Variants in RGS22 observed in about 807,000 individuals in gnomAD.
The protein encoded by RGS22 is regulator of G protein signaling 22.
A neutral mutation model predicts 172.9 loss-of-function variants in RGS22; 148 were observed. The ratio of observed to expected loss-of-function variants is 0.86; its 90% CI spans 0.75 to 0.98. RGS22 has a LOEUF of 0.98. Among genes scored for constraint, RGS22 ranks in the 50% least tolerant of loss-of-function variants. The pLI, the probability that RGS22 is intolerant of heterozygous loss-of-function variation, is 0.00. For synonymous variants in RGS22, 458 were observed against 480.2 expected (o/e 0.95, Z 0.60); for missense variants, 1,347 against 1,440.8 (o/e 0.93, Z 1.05).
intron 14 of RGS22, among the ~76,000 whole-genome samples, chr8:100,024,563 C>T (rs562285928): frequency 9.9e-5 from 15 of 151,302 alleles, no homozygotes; most frequent in Middle Eastern, 6.9e-3. Flanking sequence ...TACAGTCTCA[C>T]GGAGAAAAAA....
intron 4 of RGS22, among the ~76,000 whole-genome samples, chr8:100,078,018 C>T (rs1811480008): frequency 6.6e-6 from 1 of 152,060 alleles, no homozygotes; most frequent in African/African-American, 2.4e-5. Context: ...GGGTGCTTTG[C>T]CAGATATCAA....
At chr8:100,066,615 T>A (rs1284079167) in intron 6 of RGS22, among the ~76,000 whole-genome samples, 1 of 152,094 alleles carries the variant, frequency 6.6e-6, no homozygotes, top group Non-Finnish European at 1.5e-5. Context: ...TTCACTACAA[T>A]CCTGGTGATG....
At chr8:100,097,297 C>T (rs1813052947) in intron 2 of RGS22, among the ~76,000 whole-genome samples, 1 of 152,286 alleles carries the variant, frequency 6.6e-6, no homozygotes, top group South Asian at 2.1e-4. Flanking sequence ...TAAATGTTTG[C>T]ATTTCAGTGT....
chr8:100,041,287 G>A (rs1563655038), intron 12 of RGS22, among the ~76,000 whole-genome samples: 1 of 152,066 alleles, frequency 6.6e-6, no homozygotes, highest in Non-Finnish European at 1.5e-5. Context: ...TCAGGAGTGC[G>A]AGACCAGTCT....
intron 9 of RGS22, among the ~76,000 whole-genome samples, chr8:100,055,821 C>T (rs143476317): frequency 6.6e-6 from 1 of 152,180 alleles, no homozygotes; most frequent in African/African-American, 2.4e-5. Flanking sequence ...GTTCATTAAA[C>T]CTCTTTGCTT....
intron 14 of RGS22, among the ~76,000 whole-genome samples, chr8:100,012,145 G>A (rs1390992059): frequency 6.6e-6 from 1 of 151,728 alleles, no homozygotes; most frequent in Non-Finnish European, 1.5e-5. Flanking sequence ...AGAATCAAAG[G>A]TGCTGGTTAA....
chr8:100,006,170 G>C, intron 15 of RGS22, 61 bp from the exon 16 acceptor site: 1 of 1,338,100 alleles, frequency 7.5e-7, no homozygotes, highest in Non-Finnish European at 1.0e-6. Context: ...AGTAACAGTG[G>C]GCTGAAAAAC....
intron 2 of RGS22, among the ~76,000 whole-genome samples, chr8:100,101,165 G>A (rs957267852): frequency 6.6e-6 from 1 of 151,898 alleles, no homozygotes; most frequent in Non-Finnish European, 1.5e-5. Flanking sequence ...TTAAATCTTC[G>A]CTATTAATGC....
intron 9 of RGS22, 110 bp downstream of exon 9, chr8:100,062,481 G>T: frequency 1.4e-6 from 1 of 702,982 alleles, no homozygotes; most frequent in Non-Finnish European, 2.4e-6. Flanking sequence ...AGATACAATA[G>T]TCTTGTCATT....
chr8:99,970,307 A>G (rs555017136), intron 23 of RGS22, among the ~76,000 whole-genome samples: 1 of 152,320 alleles, frequency 6.6e-6, no homozygotes, highest in African/African-American at 2.4e-5. Flanking sequence ...ATACCCTAAC[A>G]TCACAATTAA....
intron 14 of RGS22, among the ~76,000 whole-genome samples, chr8:100,028,897 T>C (rs1301989711): frequency 1.3e-5 from 2 of 152,186 alleles, no homozygotes; most frequent in African/African-American, 2.4e-5. Flanking sequence ...CAAGAGAATA[T>C]AGCAACGGTG....
At chr8:99,974,726 A>T (rs1811740495) in intron 23 of RGS22, among the ~76,000 whole-genome samples, 1 of 151,630 alleles carries the variant, frequency 6.6e-6, no homozygotes, top group South Asian at 2.1e-4. Context: ...TGAACCTGAG[A>T]GGCAGAGGTT....
At chr8:99,963,025 G>T (rs376817855) in intron 24 of RGS22, 47 bp from the exon 25 acceptor site, 87 of 1,426,296 alleles carry the variant, frequency 6.1e-5, no homozygotes, top group Admixed American at 7.9e-5. Flanking sequence ...TTTGCTTTAG[G>T]AAATAAACTG....
intron 18 of RGS22, among the ~76,000 whole-genome samples, chr8:100,001,096 G>C (rs1198589091): frequency 6.7e-6 from 1 of 150,198 alleles, no homozygotes; most frequent in Non-Finnish European, 1.5e-5. Flanking sequence ...CAAACTTCAA[G>C]CTAAATAAAT....
At chr8:100,041,666 T>G in intron 12 of RGS22, 136 bp downstream of exon 12, 1 of 551,466 alleles carries the variant, frequency 1.8e-6, no homozygotes. Flanking sequence ...TAAAAATCCT[T>G]TGGCAAGGAA....
chr8:100,044,626 C>CTT lies in RGS22; in HGVS notation c.1824-2712_1824-2711dup, dbSNP rs542203635. On this transcript the variant is annotated intron_variant, in intron 11 of 27. Transcript: ENST00000360863. ...TCTCCCATCTCTCAGATTACCCTTTCTTTTTTTTTTTTTTTTCGGATTATC... is the reference window on the plus strand; with the variant it reads ...TCTCCCATCTCTCAGATTACCCTTTCTTTTTTTTTTTTTTTTTTCGGATTATC... Among the ~76,000 whole-genome samples, 73 of 128,828 alleles carry CTT rather than the reference C, an allele frequency of 5.7e-4. 1 individual carries two copies. Among genetic ancestry groups the CTT allele is most frequent in the African/African-American group, 1.5e-3 (52 of 34,822 alleles). 84.5% of individuals were successfully genotyped at this position (128,828 alleles called of 152,430 possible).
Position 100,063,484 on chromosome 8 carries a change from C to G in RGS22, c.1284G>C (p.Glu428Asp). 6.2e-7 allele frequency: 1 copy of G among 1,613,440 alleles called. No individual in the cohort carries two copies. Residue 428 changes from glutamate to aspartate, a missense_variant, in exon 8 of 28, where the codon GAG becomes GAC. Coordinates refer to ENST00000360863, the MANE Select transcript of RGS22 (RefSeq NM_015668.5). ...TATCCATCCATAGCCACCAATATCT[C>G]TCTCCCAATGTACCTTTTATAAATT... ...FKKFIKGTLG[E>D]RYWWLWMDIE...
At chr8:99,999,196 T>G in intron 19 of RGS22, 66 bp downstream of exon 19, 1 of 1,374,562 alleles carries the variant, frequency 7.3e-7, no homozygotes, top group Non-Finnish European at 9.9e-7. Context: ...GGTCACCAGG[T>G]ATGTACATTT....
intron 23 of RGS22, among the ~76,000 whole-genome samples, chr8:99,975,605 A>G (rs894842923): frequency 8.4e-6 from 1 of 119,004 alleles, no homozygotes; most frequent in Non-Finnish European, 1.7e-5. Flanking sequence ...TTAGATGACC[A>G]AAAAAAAAAA....
Sources: gnomAD v4.1 joint callset for allele counts (sites outside exome capture counted in the v4.1 genomes callset) on GRCh38, gnomAD v4.1.1 for gene constraint, MANE v1.5 for transcripts, NCBI Gene and HGNC (gene_info 2026-07-23, HGNC 2026-07-21) for gene names.